The following LMF1 variants were observed in gnomAD, a reference collection of about 807,000 sequenced individuals.
The protein encoded by LMF1 is lipase maturation factor 1, also known as transmembrane protein 112.
In LMF1, 68 loss-of-function variants were observed where a neutral mutation model predicts 60.6. The observed-to-expected ratio is 1.12, with a 90% confidence interval of 0.92 to 1.37. The LOEUF is 1.37. Ranked by LOEUF, LMF1 falls within the 40% of genes most tolerant of loss-of-function variation. The pLI is 0.00. For synonymous variants in LMF1, 418 were observed against 324.7 expected (o/e 1.29, Z -3.09); for missense variants, 948 against 767.2 (o/e 1.24, Z -2.78).
Position 950,521 on chromosome 16 carries a change from C to T in LMF1, c.503+3836G>A, listed in dbSNP as rs1333280605. Among the ~76,000 whole-genome samples, 5 of 93,634 alleles carry T rather than the reference C, an allele frequency of 5.3e-5. 1 individual carries two copies. Among genetic ancestry groups the T allele is most frequent in the East Asian group, 5.9e-4 (2 of 3,362 alleles). 61.4% of individuals were successfully genotyped at this position (93,634 alleles called of 152,430 possible). A position where few individuals can be genotyped will look rare whatever the true frequency, so the allele number is the denominator to read the frequency against. The stretch of plus-strand genomic sequence containing the variant: ...GAGTCAGAGATGACAGAGTCAGAGA[C>T]GACAGAGTCAGAGCCAATGACAGAG... On this transcript the variant is annotated intron_variant, in intron 2 of 10. Transcript: ENST00000262301.
intron 2 of LMF1, among the ~76,000 whole-genome samples, chr16:940,216 C>CTTCTGG (rs1243420836): frequency 2.0e-5 from 3 of 152,164 alleles, no homozygotes; most frequent in Non-Finnish European, 4.4e-5. Context: ...CCTGCCGACA[C>CTTCTGG]CCTGATTTCG....
intron 2 of LMF1, among the ~76,000 whole-genome samples, chr16:948,136 T>A (rs1339648271): frequency 9.4e-6 from 1 of 106,940 alleles, no homozygotes; most frequent in African/African-American, 3.8e-5. Flanking sequence ...AACGACAAAG[T>A]CAGCCAACGA....
chr16:934,016 G>A (rs759697479), intron 3 of LMF1: 4 of 1,494,518 alleles, frequency 2.7e-6, no homozygotes, highest in Non-Finnish European at 3.6e-6. Context: ...AATCATGCGT[G>A]CGACCATCCG....
intron 1 of LMF1, among the ~76,000 whole-genome samples, chr16:955,031 A>G (rs199788092): frequency 0.011 from 1,586 of 144,850 alleles, 34 homozygotes; most frequent in South Asian, 0.016. Context: ...CGGTGTGTGC[A>G]TACACACACA....
chr16:910,813 G>A (rs1040175520), intron 4 of LMF1, 118 bp downstream of exon 4: 15 of 1,327,122 alleles, frequency 1.1e-5, no homozygotes, highest in South Asian at 9.4e-5. Flanking sequence ...AGGCCAGGCC[G>A]ACAGGAGGAC....
At chr16:933,784 C>T in intron 3 of LMF1, 2 of 403,152 alleles carry the variant, frequency 5.0e-6, no homozygotes, top group Non-Finnish European at 8.9e-6. Context: ...CCTCTTCCCA[C>T]CCTCCAGTAT....
At chr16:934,293 C>T (rs1164228229) in intron 2 of LMF1, 39 bp from the exon 3 acceptor site, 1 of 1,598,578 alleles carries the variant, frequency 6.3e-7, no homozygotes, top group African/African-American at 1.3e-5. Context: ...AACACTTTGG[C>T]TTGTTTCAAC....
intron 3 of LMF1, among the ~76,000 whole-genome samples, chr16:927,679 A>G (rs2071649242): frequency 6.6e-6 from 1 of 152,234 alleles, no homozygotes; most frequent in Non-Finnish European, 1.5e-5. Context: ...GCCCAGGCGG[A>G]GCTCACCCGG....
At chr16:882,495 G>C (rs554110096) in intron 5 of LMF1, among the ~76,000 whole-genome samples, 1 of 152,242 alleles carries the variant, frequency 6.6e-6, no homozygotes, top group African/African-American at 2.4e-5. Flanking sequence ...GATGCACTAG[G>C]TTCCAGTACA....
At chr16:915,766 C>G (rs1407466483) in intron 3 of LMF1, among the ~76,000 whole-genome samples, 1 of 152,362 alleles carries the variant, frequency 6.6e-6, no homozygotes, top group Non-Finnish European at 1.5e-5. Context: ...GGACGAGAGA[C>G]ACGCAGGGTG....
chr16:860,070 C>T (rs1414437439), intron 10 of LMF1, among the ~76,000 whole-genome samples: 5 of 150,416 alleles, frequency 3.3e-5, no homozygotes, highest in East Asian at 3.8e-4. Flanking sequence ...TGAAACGTCT[C>T]TGTGCTCATT....
chr16:864,180 A>G (rs1307077966), intron 10 of LMF1, among the ~76,000 whole-genome samples: 5 of 152,138 alleles, frequency 3.3e-5, no homozygotes, highest in African/African-American at 1.2e-4. Flanking sequence ...TTCTTTTCTC[A>G]TTGTCCGTCT....
At chr16:864,457 C>T (rs2069556423) in intron 10 of LMF1, among the ~76,000 whole-genome samples, 1 of 152,156 alleles carries the variant, frequency 6.6e-6, no homozygotes, top group Non-Finnish European at 1.5e-5. Context: ...ACATATTCAA[C>T]ACTGTATTAC....
intron 4 of LMF1, among the ~76,000 whole-genome samples, chr16:907,358 G>A (rs2070996630): frequency 6.6e-6 from 1 of 151,902 alleles, no homozygotes; most frequent in Non-Finnish European, 1.5e-5. Flanking sequence ...CCGAGATCGT[G>A]CCACTACACT....
rs115156591 is a variant in LMF1 at position 857,270 on chromosome 16, C to T, written c.1530-2564G>A. Among the ~76,000 whole-genome samples the T allele has an allele frequency of 3.3e-3, 502 of 152,374 alleles. 2 individuals carry two copies. Among genetic ancestry groups the T allele is most frequent in the African/African-American group, 0.011 (461 of 41,586 alleles). Reference sequence around the variant, plus strand: ...CTGGGTTTCAACTCTCTGGCTTAAACGTCCATGGAAGCAGCTGCTGAGTCC... The same window carrying T: ...CTGGGTTTCAACTCTCTGGCTTAAATGTCCATGGAAGCAGCTGCTGAGTCC... On this transcript the variant is annotated intron_variant, in intron 10 of 10. Transcript: ENST00000262301.
chr16:981,150 C>T (rs1465047467), exon 1 of LMF1: 2 of 451,004 alleles, frequency 4.4e-6, no homozygotes, highest in Non-Finnish European at 4.5e-6. Context: ...GTTACCTGGA[C>T]GTGCGCTGTC....
At chr16:894,921 C>A (rs2070619357) in intron 4 of LMF1, among the ~76,000 whole-genome samples, 1 of 152,122 alleles carries the variant, frequency 6.6e-6, no homozygotes, top group African/African-American at 2.4e-5. Context: ...CCAGCCTCGG[C>A]CCGGACAGAG....
chr16:969,672 G>A (rs1306443093), intron 1 of LMF1, among the ~76,000 whole-genome samples: 2 of 152,248 alleles, frequency 1.3e-5, no homozygotes, highest in South Asian at 2.1e-4. Context: ...GGCAACGCCC[G>A]GGGCCAGCAG....
At chr16:933,557 A>T in intron 3 of LMF1, 12 of 180,608 alleles carry the variant, frequency 6.6e-5, no homozygotes, top group South Asian at 2.6e-4. Flanking sequence ...TGCGAGGCCC[A>T]GGCCAGGGCC....
Sources: gnomAD v4.1 joint callset for allele counts (sites outside exome capture counted in the v4.1 genomes callset) on GRCh38, gnomAD v4.1.1 for gene constraint, MANE v1.5 for transcripts, NCBI Gene and HGNC (gene_info 2026-07-23, HGNC 2026-07-21) for gene names.